Variants in SETD2 observed in about 807,000 individuals in gnomAD.
SETD2 encodes histone-lysine N-methyltransferase SETD2.
A neutral mutation model predicts 242.1 loss-of-function variants in SETD2; 31 were observed. That is an observed-to-expected ratio of 0.13 (90% CI 0.10 to 0.17). The LOEUF is 0.17. Ranked by LOEUF, SETD2 falls within the 10% of genes least tolerant of loss-of-function variation. The probability of loss-of-function intolerance (pLI) is 1.00; values close to 1 mark genes in which losing one functional copy is unlikely to be tolerated. For missense variants in SETD2, 2,481 were observed against 3,046.3 expected, an observed-to-expected ratio of 0.81 and a Z score of 4.37; for synonymous variants, 1,006 against 1,066.5, an observed-to-expected ratio of 0.94 and a Z score of 1.11.
At chr3:47,082,805 G>A (rs1452997994) in intron 12 of SETD2, among the ~76,000 whole-genome samples, 1 of 152,174 alleles carries the variant, frequency 6.6e-6, no homozygotes, top group Non-Finnish European at 1.5e-5. Context: ...GTTTCATTGG[G>A]TCAAATCACA....
chr3:47,096,746 C>CAA (rs200954477), intron 9 of SETD2, among the ~76,000 whole-genome samples: 3 of 147,004 alleles, frequency 2.0e-5, no homozygotes, highest in Non-Finnish European at 4.5e-5. Context: ...GACGTTGTCT[C>CAA]AAAAAAAAAC....
chr3:47,155,556 T>C (rs1298785663), intron 1 of SETD2, among the ~76,000 whole-genome samples: 2 of 152,220 alleles, frequency 1.3e-5, no homozygotes, highest in African/African-American at 4.8e-5. Flanking sequence ...CTCACACCTG[T>C]AATCCCAGCA....
chr3:47,134,331 T>C (rs2106770626), intron 1 of SETD2, among the ~76,000 whole-genome samples: 1 of 152,330 alleles, frequency 6.6e-6, no homozygotes, highest in Non-Finnish European at 1.5e-5. Flanking sequence ...GCGTTATATA[T>C]TCAAGAGTTA....
At chr3:47,063,455 C>A (rs1308979832) in intron 13 of SETD2, among the ~76,000 whole-genome samples, 1 of 152,090 alleles carries the variant, frequency 6.6e-6, no homozygotes, top group African/African-American at 2.4e-5. Flanking sequence ...TCAGCCTGGG[C>A]AACAGAGCAA....
chr3:47,074,834 G>T (rs78666585), intron 12 of SETD2, among the ~76,000 whole-genome samples: 3 of 152,286 alleles, frequency 2.0e-5, no homozygotes, highest in African/African-American at 7.2e-5. Flanking sequence ...ATGGATCACA[G>T]ATTAAAAATC....
chr3:47,140,590 G>A (rs2043703283), intron 1 of SETD2, among the ~76,000 whole-genome samples: 1 of 152,232 alleles, frequency 6.6e-6, no homozygotes, highest in African/African-American at 2.4e-5. Flanking sequence ...GCCAGGTGCA[G>A]TGGCTCACGC....
At chr3:47,041,440 G>T in intron 17 of SETD2, 1 of 408,474 alleles carries the variant, frequency 2.4e-6, no homozygotes, top group Non-Finnish European at 4.9e-6. Flanking sequence ...TTGAAGCCAG[G>T]AGTTCGTGCA....
chr3:47,123,825 A>G lies in SETD2; in HGVS notation c.811T>C (p.Leu271=), dbSNP rs2043210150. ...GAGGAAATATCTGCTTGCTCATTCA[A>G]TATTTGAGTTACGTGTTCTTCTAAA... ...NSLEEHVTQI[L]NEQADISSKK... Residue 271 remains leucine (L), a synonymous_variant, in exon 3 of 21, where the codon TTG becomes CTG. Transcript: ENST00000409792. 1.3e-6 allele frequency: 2 copies of G among 1,548,688 alleles called. No individual in the cohort carries two copies. The highest frequency in any genetic ancestry group is 1.7e-6 in the Non-Finnish European group (2 of 1,145,182).
At chr3:47,156,476 C>G (rs1174959660) in intron 1 of SETD2, among the ~76,000 whole-genome samples, 1 of 152,008 alleles carries the variant, frequency 6.6e-6, no homozygotes, top group East Asian at 1.9e-4. Flanking sequence ...TTTCTAAAGA[C>G]ATAATGTGTC....
intron 12 of SETD2, among the ~76,000 whole-genome samples, chr3:47,071,501 A>T (rs1193598318): frequency 6.6e-6 from 1 of 152,220 alleles, no homozygotes; most frequent in Non-Finnish European, 1.5e-5. Context: ...CCCTGGAAAG[A>T]ACTACTGTTT....
Position 47,124,142 on chromosome 3 carries a change from G to A in SETD2, c.494C>T (p.Ser165Phe), listed in dbSNP as rs2043230414. The change falls in exon 3 of 21, where the codon TCT becomes TTT. Residue 165 changes from serine to phenylalanine, a missense_variant. Physicochemically the swap from Ser to Phe is radical, Grantham distance 155. Coordinates refer to ENST00000409792, the MANE Select transcript of SETD2 (RefSeq NM_014159.7). ...PLLATTTAVASPPTHAAPLPA... is the reference protein window; with the variant it reads ...PLLATTTAVAFPPTHAAPLPA... Reference sequence around the variant, plus strand: ...TAATGGTGCTGCATGAGTAGGTGGAGATGCTACTGCTGTGGTAGTAGCCAG... The same window carrying A: ...TAATGGTGCTGCATGAGTAGGTGGAAATGCTACTGCTGTGGTAGTAGCCAG... 6.4e-7 allele frequency: 1 copy of A among 1,551,946 alleles called. No individual in the cohort carries two copies. The highest frequency in any genetic ancestry group is 8.7e-7 in the Non-Finnish European group (1 of 1,147,004).
chr3:47,077,213 T>C (rs1056622333), intron 12 of SETD2, among the ~76,000 whole-genome samples: 5 of 152,030 alleles, frequency 3.3e-5, no homozygotes, highest in African/African-American at 1.2e-4. Flanking sequence ...GCCTCCCGAG[T>C]AGCTGGGATT....
chr3:47,081,083 G>A (rs747169610), intron 12 of SETD2: 2 of 986,894 alleles, frequency 2.0e-6, no homozygotes. Flanking sequence ...GCCCTGAGAA[G>A]CTAGATGGAA....
chr3:47,154,230 G>A (rs142224367), intron 1 of SETD2, among the ~76,000 whole-genome samples: 1 of 152,202 alleles, frequency 6.6e-6, no homozygotes, highest in East Asian at 1.9e-4. Context: ...CCAACATGGT[G>A]AAACCCCGTC....
At chr3:47,083,103 A>G (rs1367122693) in intron 12 of SETD2, among the ~76,000 whole-genome samples, 2 of 152,184 alleles carry the variant, frequency 1.3e-5, no homozygotes, top group African/African-American at 2.4e-5. Context: ...GTTTTCTGCA[A>G]AGCAAACCCT....
chr3:47,037,787 G>C lies in SETD2; in HGVS notation c.7239-10C>G. 6.3e-7 allele frequency: 1 copy of C among 1,594,764 alleles called. No homozygotes were observed. Among genetic ancestry groups the C allele is most frequent in the African/African-American group, 1.3e-5 (1 of 74,636 alleles). On this transcript the variant is annotated splice_polypyrimidine_tract_variant and intron_variant, in intron 17 of 20. Coordinates refer to ENST00000409792, the MANE Select transcript of SETD2 (RefSeq NM_014159.7). ...ATCCCACTGAGTCTGCCTAGAAAGAGACAAAAACAGCCATGCTGTCAGGGC... is the reference window on the plus strand; with the variant it reads ...ATCCCACTGAGTCTGCCTAGAAAGACACAAAAACAGCCATGCTGTCAGGGC...
chr3:47,059,529 C>T lies in SETD2; in HGVS notation c.6294-2039G>A, dbSNP rs552046178. 2.6e-3 allele frequency among the ~76,000 whole-genome samples: 388 copies of T among 151,742 alleles called. 2 individuals are homozygous for T. Among genetic ancestry groups the T allele is most frequent in the Admixed American group, 8.1e-3 (124 of 15,230 alleles). ...CTGCCTCCCGGGTTCAAACAATTCTCCTGCCTCAGTCTCCCGAGTAGCTGG... is the reference window on the plus strand; with the variant it reads ...CTGCCTCCCGGGTTCAAACAATTCTTCTGCCTCAGTCTCCCGAGTAGCTGG... On this transcript the variant is annotated intron_variant, in intron 14 of 20. Coordinates refer to ENST00000409792, the MANE Select transcript of SETD2 (RefSeq NM_014159.7).
chr3:47,022,790 C>G (rs1177205761), intron 18 of SETD2, among the ~76,000 whole-genome samples: 1 of 152,208 alleles, frequency 6.6e-6, no homozygotes, highest in African/African-American at 2.4e-5. Flanking sequence ...TCACCTGTGG[C>G]ACATTTGGAT....
chr3:47,119,119 G>A lies in SETD2; in HGVS notation c.4454+1063C>T, dbSNP rs978617806. Among the ~76,000 whole-genome samples the A allele has an allele frequency of 5.9e-5, 9 of 152,070 alleles. No homozygotes were observed. The East Asian group carries it at 7.7e-4, about 13-fold the overall frequency. ...TGGCTAGGTTGATTCTCAACTAGCA[G>A]GAAAACTTCCAAAAAAGGAGAGTAA... On this transcript the variant is annotated intron_variant, in intron 3 of 20. Transcript: ENST00000409792.
Sources: gnomAD v4.1 joint callset for allele counts (sites outside exome capture counted in the v4.1 genomes callset) on GRCh38, gnomAD v4.1.1 for gene constraint, MANE v1.5 for transcripts, NCBI Gene and HGNC (gene_info 2026-07-23, HGNC 2026-07-21) for gene names.